The following ESCO1 variants were observed in gnomAD, a reference collection of about 807,000 sequenced individuals.
ESCO1 encodes establishment of sister chromatid cohesion N-acetyltransferase 1.
ESCO1 carries 33 observed loss-of-function variants against 83.5 expected under a neutral mutation model. The observed-to-expected ratio is 0.40, with a 90% CI of 0.30 to 0.53. The LOEUF (loss-of-function observed/expected upper bound fraction) is 0.53, where lower values mean the gene tolerates loss of function less well. ESCO1 is among the 20% of genes least tolerant of loss of function. The probability of loss-of-function intolerance (pLI) is 0.63; values close to 1 mark genes in which losing one functional copy is unlikely to be tolerated. For synonymous variants in ESCO1, 332 were observed against 324.3 expected, an observed-to-expected ratio of 1.02 and a Z score of -0.25; for missense variants, 855 against 968.0, an observed-to-expected ratio of 0.88 and a Z score of 1.55.
Position 21,536,141 on chromosome 18 carries a change from T to C in ESCO1, c.2088A>G (p.Gln696=), listed in dbSNP as rs751385732. 58 of 1,613,886 alleles carry C rather than the reference T, an allele frequency of 3.6e-5. No individual in the cohort carries two copies. The highest frequency in any genetic ancestry group is 6.7e-5 in the African/African-American group (5 of 74,926). ...TGGAATAGCACATTAGTGGAGCCTG[T>C]TGAAAACCTAAATCATTGTCAACCA... The part of the protein sequence containing the change: ...REMVDNDLGF[Q]QAPLMCYSRT... The change falls in exon 10 of 12, where the codon CAA becomes CAG. Residue 696 remains glutamine (Q), a synonymous_variant. Transcript: ENST00000269214.
chr18:21,539,254 T>G (rs2037874204), intron 9 of ESCO1, among the ~76,000 whole-genome samples: 2 of 152,212 alleles, frequency 1.3e-5, no homozygotes, highest in African/African-American at 4.8e-5. Context: ...TACATTTTAT[T>G]AATTATCCAA....
chr18:21,533,172 CTT>C (rs1316839863), intron 10 of ESCO1, among the ~76,000 whole-genome samples: 3 of 151,532 alleles, frequency 2.0e-5, no homozygotes, highest in African/African-American at 7.3e-5. Context: ...ACTGCAATCT[CTT>C]TAAAAAAAAA....
chr18:21,552,041 G>T (rs747510095), intron 8 of ESCO1, among the ~76,000 whole-genome samples: 3 of 152,100 alleles, frequency 2.0e-5, no homozygotes, highest in Non-Finnish European at 4.4e-5. Flanking sequence ...TTGTCAAAAG[G>T]TCAGTTCTTC....
At chr18:21,596,640 C>CT (rs1444435364) in intron 1 of ESCO1, among the ~76,000 whole-genome samples, 1 of 152,006 alleles carries the variant, frequency 6.6e-6, no homozygotes, top group South Asian at 2.1e-4. Context: ...CAAGACTAGC[C>CT]TGGCCAACAT....
At chr18:21,539,420 T>G (rs1352973697) in intron 9 of ESCO1, among the ~76,000 whole-genome samples, 1 of 152,184 alleles carries the variant, frequency 6.6e-6, no homozygotes, top group Non-Finnish European at 1.5e-5. Flanking sequence ...CTCAGTTCAT[T>G]TAGAATTCAT....
At chr18:21,553,004 T>C (rs561632444) in intron 8 of ESCO1, among the ~76,000 whole-genome samples, 1 of 152,332 alleles carries the variant, frequency 6.6e-6, no homozygotes, top group South Asian at 2.1e-4. Flanking sequence ...TAAAAGATAC[T>C]GTTGGCCAGG....
In ESCO1 at chr18:21,530,091, C is replaced by T. The variant is rs1178476436; in HGVS notation, c.*252G>A. 6.3e-6 allele frequency: 2 copies of T among 316,038 alleles called. No individual in the cohort carries two copies. The highest frequency in any genetic ancestry group is 2.1e-5 in the African/African-American group (1 of 46,672). The allele number at this position is 316,038 out of a possible 1,614,324, so 19.6% of individuals were successfully genotyped here. On this transcript the variant is annotated 3_prime_UTR_variant, in exon 12 of 12. Transcript: ENST00000269214. ...TGAACAATTATCTGCTGCATGTAAA[C>T]ATGTCTAAATAACTATAGATAAAAT...
chr18:21,544,821 G>A (rs1159596484), intron 8 of ESCO1, among the ~76,000 whole-genome samples: 1 of 152,118 alleles, frequency 6.6e-6, no homozygotes, highest in East Asian at 1.9e-4. Flanking sequence ...AATTCAAATT[G>A]CCTATTGTCA....
Position 21,589,650 on chromosome 18 carries a change from T to C in ESCO1, c.-824-5210A>G, listed in dbSNP as rs1469381621. On this transcript the variant is annotated intron_variant, in intron 1 of 11. Coordinates refer to ENST00000269214, the MANE Select transcript of ESCO1 (RefSeq NM_052911.3). ...ACACTGGTGCAAATTCAGAAAGCCA[T>C]CTAAACAGCTGGGAAAGATTTCTCT... 2.6e-5 allele frequency among the ~76,000 whole-genome samples: 4 copies of C among 152,086 alleles called. 1 individual carries two copies. Among genetic ancestry groups the C allele is most frequent in the South Asian group, 4.2e-4 (2 of 4,818 alleles).
rs139133270 is a variant in ESCO1 at position 21,537,893 on chromosome 18, G to A, written c.2044-1708C>T. On this transcript the variant is annotated intron_variant, in intron 9 of 11. Transcript: ENST00000269214. Reference sequence around the variant, plus strand: ...CTCGAACAACAAAAGTTTGAACTGTGTGGGTCCACTTATATGTAGGGCTTT... The same window carrying A: ...CTCGAACAACAAAAGTTTGAACTGTATGGGTCCACTTATATGTAGGGCTTT... 6.9e-3 allele frequency among the ~76,000 whole-genome samples: 1,053 copies of A among 152,024 alleles called. 13 individuals carry two copies. The highest frequency in any genetic ancestry group is 0.024 in the African/African-American group (991 of 41,448).
chr18:21,587,433 T>TA (rs757947628), intron 1 of ESCO1, among the ~76,000 whole-genome samples: 1 of 152,232 alleles, frequency 6.6e-6, no homozygotes, highest in Non-Finnish European at 1.5e-5. Flanking sequence ...CTCTTTGTTA[T>TA]AGGTCTATTC....
intron 4 of ESCO1, among the ~76,000 whole-genome samples, chr18:21,569,306 A>C (rs2038306376): frequency 6.6e-6 from 1 of 152,238 alleles, no homozygotes; most frequent in Admixed American, 6.5e-5. Context: ...TAACAAAAGA[A>C]AATACTTCAG....
chr18:21,548,771 C>T (rs1598983780), intron 8 of ESCO1, among the ~76,000 whole-genome samples: 1 of 152,074 alleles, frequency 6.6e-6, no homozygotes, highest in African/African-American at 2.4e-5. Context: ...AAGATCTTAT[C>T]TCTACAAAAA....
At chr18:21,594,686 T>C (rs2038734466) in intron 1 of ESCO1, among the ~76,000 whole-genome samples, 1 of 138,632 alleles carries the variant, frequency 7.2e-6, no homozygotes, top group Admixed American at 7.8e-5. Flanking sequence ...CCTGTGCAAC[T>C]GAGCGAGACT....
intron 3 of ESCO1, 42 bp downstream of exon 3, chr18:21,575,630 T>C: frequency 2.5e-6 from 1 of 398,354 alleles, no homozygotes; most frequent in East Asian, 3.6e-5. Context: ...TACATAAGCA[T>C]AGAATAGTTG....
In ESCO1 at chr18:21,560,747, T is replaced by C. The variant is rs1002819456; in HGVS notation, c.1953+112A>G. Reference sequence around the variant, plus strand: ...ACTACACGTGCTTTGTACATATTATTATCTCTTAAAAACATAAATTTTTCA... The same window carrying C: ...ACTACACGTGCTTTGTACATATTATCATCTCTTAAAAACATAAATTTTTCA... On this transcript the variant is annotated intron_variant, in intron 8 of 11. Coordinates refer to ENST00000269214, the MANE Select transcript of ESCO1 (RefSeq NM_052911.3). 1.1e-4 allele frequency: 141 copies of C among 1,318,378 alleles called. 1 individual carries two copies. The African/African-American group carries it at 2.0e-3, about 18-fold the overall frequency. 81.7% of individuals were successfully genotyped at this position (1,318,378 alleles called of 1,614,324 possible). A position where few individuals can be genotyped will look rare whatever the true frequency, so the allele number is the denominator to read the frequency against.
intron 8 of ESCO1, among the ~76,000 whole-genome samples, chr18:21,542,340 C>T (rs577593696): frequency 6.6e-6 from 1 of 152,276 alleles, no homozygotes; most frequent in African/African-American, 2.4e-5. Context: ...GCGTGCACCA[C>T]CATGCCAAGC....
At chr18:21,592,629 G>A (rs1304635137) in intron 1 of ESCO1, among the ~76,000 whole-genome samples, 5 of 150,828 alleles carry the variant, frequency 3.3e-5, no homozygotes, top group African/African-American at 9.7e-5. Flanking sequence ...CCTCCCGGAC[G>A]GGGCGGCTGG....
intron 1 of ESCO1, among the ~76,000 whole-genome samples, chr18:21,585,475 T>C (rs1283128283): frequency 6.6e-6 from 1 of 152,134 alleles, no homozygotes; most frequent in Non-Finnish European, 1.5e-5. Flanking sequence ...TTTTATAAGA[T>C]CCATTGCCGT....
Sources: gnomAD v4.1 joint callset for allele counts (sites outside exome capture counted in the v4.1 genomes callset) on GRCh38, gnomAD v4.1.1 for gene constraint, MANE v1.5 for transcripts, NCBI Gene and HGNC (gene_info 2026-07-23, HGNC 2026-07-21) for gene names.